Variants in KCNQ1 observed in about 807,000 individuals in gnomAD.
KCNQ1 encodes potassium voltage-gated channel subfamily KQT member 1.
Under a neutral mutation model 72.4 loss-of-function variants are expected in KCNQ1, and 49 were observed. That is an observed-to-expected ratio of 0.68 (90% confidence interval 0.54 to 0.86). KCNQ1 has a LOEUF of 0.86. Ranked by LOEUF, KCNQ1 falls within the 40% of genes least tolerant of loss-of-function variation. KCNQ1 has a pLI of 0.00. For missense variants in KCNQ1, 790 were observed against 945.1 expected, an observed-to-expected ratio of 0.84 and a Z score of 2.15; for synonymous variants, 450 against 412.6, an observed-to-expected ratio of 1.09 and a Z score of -1.10.
At chr11:2,609,347 T>C (rs1848937489) in intron 10 of KCNQ1, 7 of 398,338 alleles carry the variant, frequency 1.8e-5, no homozygotes, top group Non-Finnish European at 3.1e-5. Context: ...TCTTTGCTAC[T>C]GAGTTCTACT....
In KCNQ1 at chr11:2,677,950, C is replaced by T. The variant is rs755454506; in HGVS notation, c.1514+15869C>T. On this transcript the variant is annotated intron_variant, in intron 11 of 15. Coordinates refer to ENST00000155840, the MANE Select transcript of KCNQ1 (RefSeq NM_000218.3). The surrounding 1 kb of genome is among the most constrained non-coding windows in gnomAD (Gnocchi z 4.5). ...TTCATTTCATAGATGAGAAATGGTACACTGGAGCTTTAATTTACATTTCTT... is the reference window on the plus strand; with the variant it reads ...TTCATTTCATAGATGAGAAATGGTATACTGGAGCTTTAATTTACATTTCTT... The T allele has an allele frequency of 1.1e-4, 42 of 398,412 alleles. No homozygotes were observed. The highest frequency in any genetic ancestry group is 1.8e-4 in the Non-Finnish European group (40 of 226,044). 24.7% of individuals were successfully genotyped at this position (398,412 alleles called of 1,614,324 possible). A position where few individuals can be genotyped will look rare whatever the true frequency, so the allele number is the denominator to read the frequency against.
rs955808606 is a variant in KCNQ1, at chr11:2,515,275, G to A, written c.387-12653G>A. Among the ~76,000 whole-genome samples the A allele has an allele frequency of 6.6e-6, 1 of 152,158 alleles. No individual in the cohort carries two copies. The highest frequency in any genetic ancestry group is 2.4e-5 in the African/African-American group (1 of 41,422). ...TTCCACTCATGAGTGAGAACGTGCC[G>A]TGTTTGGTTTTCTGTTTCCGGTAGT... On this transcript the variant is annotated intron_variant, in intron 1 of 15. Coordinates refer to ENST00000155840, the MANE Select transcript of KCNQ1 (RefSeq NM_000218.3). This position sits in a 1 kb window ranked among gnomAD's most constrained non-coding sequence, Gnocchi z 4.7.
intron 2 of KCNQ1, among the ~76,000 whole-genome samples, chr11:2,528,630 G>A (rs1206692822): frequency 5.3e-5 from 8 of 152,362 alleles, no homozygotes; most frequent in Non-Finnish European, 1.2e-4. Flanking sequence ...GGGTCCCCAC[G>A]GAAGCCACCT....
At chr11:2,546,224 AGT>A (rs1847901042) in intron 2 of KCNQ1, among the ~76,000 whole-genome samples, 1 of 152,134 alleles carries the variant, frequency 6.6e-6, no homozygotes, top group Non-Finnish European at 1.5e-5. Context: ...ATTATTTAAA[AGT>A]GTATTCAAAA....
chr11:2,793,047 C>T (rs1210801919), intron 15 of KCNQ1, among the ~76,000 whole-genome samples: 2 of 152,232 alleles, frequency 1.3e-5, no homozygotes, highest in African/African-American at 4.8e-5. Flanking sequence ...GCTTGTCCAG[C>T]AGGGTGAACA....
rs1335643537 is a variant in KCNQ1, at chr11:2,710,755, G to A, written c.1514+48674G>A. ...GACTCTTCTTTCCTCAGTGAAGGAT[G>A]TTGATACCCTTGTCAAAAATCAGTT... On this transcript the variant is annotated intron_variant, in intron 11 of 15. Coordinates refer to ENST00000155840, the MANE Select transcript of KCNQ1 (RefSeq NM_000218.3). The surrounding 1 kb of genome is among the most constrained non-coding windows in gnomAD (Gnocchi z 4.1). 2.0e-5 allele frequency among the ~76,000 whole-genome samples: 3 copies of A among 152,150 alleles called. No homozygotes were observed. Among genetic ancestry groups the A allele is most frequent in the Admixed American group, 6.6e-5 (1 of 15,264 alleles).
At position 2,577,424 on chromosome 11, in the gene KCNQ1, G is replaced by A. The variant is rs993730352; in HGVS notation, c.921+4438G>A. ...GACACAGTCACCTGGGCCACCTTCC[G>A]GCAGGGCGCTGAGCCTGGCTGTACC... On this transcript the variant is annotated intron_variant, in intron 6 of 15. Transcript: ENST00000155840. 5.3e-5 allele frequency among the ~76,000 whole-genome samples: 8 copies of A among 152,306 alleles called. No individual in the cohort carries two copies. In the East Asian group the frequency reaches 7.7e-4, roughly 15 times the overall value.
In KCNQ1 at chr11:2,451,453, T is replaced by C. The variant is rs1185760542; in HGVS notation, c.386+5969T>C. The stretch of plus-strand genomic sequence containing the variant: ...CCACGGACCCGGGGTTGGAGAACCC[T>C]GTCTTAGAGGATTGAGGCTCGGGGC... On this transcript the variant is annotated intron_variant, in intron 1 of 15. Coordinates refer to ENST00000155840, the MANE Select transcript of KCNQ1 (RefSeq NM_000218.3). The surrounding 1 kb of genome is among the most constrained non-coding windows in gnomAD (Gnocchi z 6.4). Among the ~76,000 whole-genome samples, 3 of 152,148 alleles carry C rather than the reference T, an allele frequency of 2.0e-5. No individual in the cohort carries two copies. Among genetic ancestry groups the C allele is most frequent in the African/African-American group, 7.2e-5 (3 of 41,444 alleles).
At chr11:2,519,749 A>G (rs143358832) in intron 1 of KCNQ1, among the ~76,000 whole-genome samples, 2 of 149,722 alleles carry the variant, frequency 1.3e-5, no homozygotes, top group East Asian at 4.0e-4. Context: ...TGTATTAAAT[A>G]CTTACATAGT....
chr11:2,689,941 C>T (rs537622564), intron 11 of KCNQ1: 63 of 398,792 alleles, frequency 1.6e-4, no homozygotes, highest in African/African-American at 8.8e-4. Flanking sequence ...CCTCACCCAA[C>T]GATGACAGTG....
intron 10 of KCNQ1, chr11:2,631,391 T>C (rs1849350517): frequency 2.5e-6 from 1 of 398,610 alleles, no homozygotes; most frequent in Non-Finnish European, 4.4e-6. Flanking sequence ...TCACTTTTCA[T>C]TTCATGCACT....
At chr11:2,731,813 G>A (rs1032995181) in intron 11 of KCNQ1, among the ~76,000 whole-genome samples, 2 of 152,250 alleles carry the variant, frequency 1.3e-5, no homozygotes, top group African/African-American at 4.8e-5. Flanking sequence ...GAAGACAGTG[G>A]TGGGTAACTC....
chr11:2,689,953 C>T, intron 11 of KCNQ1: 1 of 398,862 alleles, frequency 2.5e-6, no homozygotes, highest in Non-Finnish European at 4.4e-6. Flanking sequence ...ATGACAGTGA[C>T]TAGCCTCAGA....
At chr11:2,656,021 A>G (rs1278938029) in intron 10 of KCNQ1, 2 of 398,518 alleles carry the variant, frequency 5.0e-6, no homozygotes, top group Non-Finnish European at 8.8e-6. Flanking sequence ...ACCAGGACAG[A>G]ACCTTCCTCA....
chr11:2,770,035 T>C (rs1261558510), intron 12 of KCNQ1, among the ~76,000 whole-genome samples: 1 of 152,064 alleles, frequency 6.6e-6, no homozygotes, highest in Non-Finnish European at 1.5e-5. Flanking sequence ...GGGAAGATCA[T>C]CTTGACTTCA....
chr11:2,548,673 C>T (rs2283159), intron 2 of KCNQ1, among the ~76,000 whole-genome samples: 3,472 of 152,294 alleles, frequency 0.023, 74 homozygotes, highest in Admixed American at 0.05. Context: ...ATACAGTGAC[C>T]CACTTCAAGG....
At position 2,621,084 on chromosome 11, in the gene KCNQ1, TCTCCTGTCTCAGA is replaced by T. The variant is rs1320952483; in HGVS notation, c.1393+32237_1393+32249del. On this transcript the variant is annotated intron_variant, in intron 10 of 15. Coordinates refer to ENST00000155840, the MANE Select transcript of KCNQ1 (RefSeq NM_000218.3). This position sits in a 1 kb window ranked among gnomAD's most constrained non-coding sequence, Gnocchi z 5.7. ...CCTCCACCTCCTGGGTTCAAGCAAT[TCTCCTGTCTCAGA>T]CTCCTGAGTAGCTGGGATTACAGGT... 3.3e-5 allele frequency: 13 copies of T among 397,114 alleles called. No homozygotes were observed. Among genetic ancestry groups the T allele is most frequent in the Non-Finnish European group, 4.4e-5 (10 of 225,814 alleles). 24.6% of individuals were successfully genotyped at this position (397,114 alleles called of 1,614,324 possible). A position where few individuals can be genotyped will look rare whatever the true frequency, so the allele number is the denominator to read the frequency against.
At chr11:2,844,130 C>T (rs973266940) in intron 15 of KCNQ1, among the ~76,000 whole-genome samples, 4 of 152,198 alleles carry the variant, frequency 2.6e-5, no homozygotes, top group Admixed American at 6.5e-5. Context: ...AACGTGCCAG[C>T]GAGATGAAGG....
At position 2,769,169 on chromosome 11, in the gene KCNQ1, C is replaced by T. The variant is rs969590746; in HGVS notation, c.1590+250C>T. On this transcript the variant is annotated intron_variant, in intron 12 of 15. Coordinates refer to ENST00000155840, the MANE Select transcript of KCNQ1 (RefSeq NM_000218.3). The surrounding 1 kb of genome is among the most constrained non-coding windows in gnomAD (Gnocchi z 4.6). ...AGGGACACATGCAGTGTCTTCTTCACCAAGTAGAAGGCAGCAGCCGTGTAG... is the reference window on the plus strand; with the variant it reads ...AGGGACACATGCAGTGTCTTCTTCATCAAGTAGAAGGCAGCAGCCGTGTAG... 1.3e-5 allele frequency among the ~76,000 whole-genome samples: 2 copies of T among 152,134 alleles called. No homozygotes were observed. Among genetic ancestry groups the T allele is most frequent in the Non-Finnish European group, 2.9e-5 (2 of 68,036 alleles).
Sources: gnomAD v4.1 joint callset for allele counts (sites outside exome capture counted in the v4.1 genomes callset) on GRCh38, gnomAD v4.1.1 for gene constraint, Gnocchi (gnomAD v3.1) non-coding constraint, MANE v1.5 for transcripts, NCBI Gene and HGNC (gene_info 2026-07-23, HGNC 2026-07-21) for gene names.